Variants in SKAP1 observed in about 807,000 individuals in gnomAD.
SKAP1 encodes the protein src kinase associated phosphoprotein 1.
A neutral mutation model predicts 58.5 loss-of-function variants in SKAP1; 44 were observed. The ratio of observed to expected loss-of-function variants is 0.75; its 90% CI spans 0.59 to 0.97. SKAP1 has a LOEUF of 0.97. SKAP1 is among the 50% of genes least tolerant of loss of function. The pLI is 0.00. For missense variants in SKAP1, 390 were observed against 435.2 expected, an observed-to-expected ratio of 0.90 and a Z score of 0.92; for synonymous variants, 127 against 149.7, an observed-to-expected ratio of 0.85 and a Z score of 1.11.
chr17:48,286,625 G>C (rs1598512819), intron 4 of SKAP1, among the ~76,000 whole-genome samples: 1 of 152,192 alleles, frequency 6.6e-6, no homozygotes, highest in Non-Finnish European at 1.5e-5. Context: ...AGGAATTACT[G>C]AGTGGATCTA....
At chr17:48,316,673 T>A (rs1391061250) in intron 4 of SKAP1, among the ~76,000 whole-genome samples, 1 of 152,164 alleles carries the variant, frequency 6.6e-6, no homozygotes, top group African/African-American at 2.4e-5. Flanking sequence ...ACATAGTAGG[T>A]CCTCAATGAT....
intron 4 of SKAP1, among the ~76,000 whole-genome samples, chr17:48,267,009 T>C (rs1016700950): frequency 3.1e-4 from 47 of 152,120 alleles, no homozygotes; most frequent in Admixed American, 4.6e-4. Flanking sequence ...TCATAGAACA[T>C]AGCAGATGGC....
intron 4 of SKAP1, among the ~76,000 whole-genome samples, chr17:48,205,414 G>GA (rs1225113550): frequency 2.0e-5 from 3 of 151,910 alleles, no homozygotes; most frequent in African/African-American, 7.3e-5. Flanking sequence ...CCTGGCCAAG[G>GA]AAATCTTAAA....
At chr17:48,285,678 AC>A (rs1288707175) in intron 4 of SKAP1, among the ~76,000 whole-genome samples, 1 of 151,424 alleles carries the variant, frequency 6.6e-6, no homozygotes, top group East Asian at 1.9e-4. Context: ...TGATCCTCTG[AC>A]CCTAAACAAA....
chr17:48,358,357 CT>C (rs943379688), intron 3 of SKAP1, among the ~76,000 whole-genome samples: 28 of 152,150 alleles, frequency 1.8e-4, no homozygotes, highest in Admixed American at 1.6e-3. Flanking sequence ...TTTCCTTCCT[CT>C]TTTTTTTAAA....
intron 1 of SKAP1, among the ~76,000 whole-genome samples, chr17:48,416,803 C>T (rs2067736639): frequency 6.6e-6 from 1 of 152,200 alleles, no homozygotes; most frequent in African/African-American, 2.4e-5. Flanking sequence ...TCCCAATTCC[C>T]TGTCACAGGT....
intron 11 of SKAP1, among the ~76,000 whole-genome samples, chr17:48,150,972 A>G (rs1022705870): frequency 1.3e-5 from 2 of 152,146 alleles, no homozygotes; most frequent in Non-Finnish European, 2.9e-5. Context: ...CACAGCCAGA[A>G]GACTTAGGAG....
intron 5 of SKAP1, among the ~76,000 whole-genome samples, chr17:48,189,057 A>G (rs893343857): frequency 1.3e-5 from 2 of 152,204 alleles, no homozygotes; most frequent in Admixed American, 1.3e-4. Flanking sequence ...TTGAAAGTAG[A>G]CTGCTTCACA....
chr17:48,219,037 A>G (rs1243927832), intron 4 of SKAP1, among the ~76,000 whole-genome samples: 1 of 152,198 alleles, frequency 6.6e-6, no homozygotes, highest in African/African-American at 2.4e-5. Flanking sequence ...TCCTATTAGT[A>G]TTTATCTAAT....
At chr17:48,140,856 G>A (rs901513630) in intron 11 of SKAP1, among the ~76,000 whole-genome samples, 11 of 150,434 alleles carry the variant, frequency 7.3e-5, no homozygotes, top group Non-Finnish European at 1.2e-4. Context: ...TCATGATCTC[G>A]GCTGACCACG....
At chr17:48,176,643 C>T (rs974219428) in intron 9 of SKAP1, among the ~76,000 whole-genome samples, 1 of 152,148 alleles carries the variant, frequency 6.6e-6, no homozygotes, top group African/African-American at 2.4e-5. Context: ...ACCATATTTT[C>T]CAGGACTAAC....
At chr17:48,353,193 T>C (rs2066825754) in intron 3 of SKAP1, among the ~76,000 whole-genome samples, 2 of 152,188 alleles carry the variant, frequency 1.3e-5, no homozygotes, top group African/African-American at 4.8e-5. Context: ...ATTTCATGCT[T>C]GCAAAATTTA....
At chr17:48,389,019 C>T (rs958043433) in intron 2 of SKAP1, among the ~76,000 whole-genome samples, 8 of 152,192 alleles carry the variant, frequency 5.3e-5, no homozygotes, top group African/African-American at 1.7e-4. Flanking sequence ...AGAACCTCAA[C>T]AAGGCTCACA....
At chr17:48,380,144 A>G (rs2067197602) in intron 2 of SKAP1, 1 of 152,214 alleles carries the variant, frequency 6.6e-6, no homozygotes, top group Admixed American at 6.5e-5. Flanking sequence ...GGGTCCTCAG[A>G]GTTTCGATTA....
intron 4 of SKAP1, among the ~76,000 whole-genome samples, chr17:48,311,478 G>T (rs1028181515): frequency 6.6e-6 from 1 of 152,076 alleles, no homozygotes; most frequent in African/African-American, 2.4e-5. Context: ...TTTTGCGGGG[G>T]AGGAGGGAAG....
intron 4 of SKAP1, among the ~76,000 whole-genome samples, chr17:48,268,738 C>T (rs540691359): frequency 7.2e-5 from 11 of 152,058 alleles, no homozygotes; most frequent in South Asian, 2.1e-4. Flanking sequence ...ATGATCTACC[C>T]GCCTCAGCCT....
chr17:48,134,769 T>C (rs1206228733), intron 12 of SKAP1, among the ~76,000 whole-genome samples: 2 of 152,102 alleles, frequency 1.3e-5, no homozygotes, highest in Non-Finnish European at 2.9e-5. Context: ...AATGGCGCGA[T>C]CTCGGCTCAC....
intron 4 of SKAP1, among the ~76,000 whole-genome samples, chr17:48,192,211 A>C (rs57634797): frequency 6.6e-6 from 1 of 152,162 alleles, no homozygotes; most frequent in African/African-American, 2.4e-5. Context: ...GAGGCCTAAA[A>C]ATTAAATGAA....
chr17:48,326,912 G>A (rs2066445104), intron 4 of SKAP1, among the ~76,000 whole-genome samples: 1 of 127,706 alleles, frequency 7.8e-6, no homozygotes, highest in South Asian at 2.5e-4. Flanking sequence ...TTTTTTTTGA[G>A]ATGGAGTCTT....
Sources: allele counts gnomAD v4.1 joint callset (sites outside exome capture counted in the v4.1 genomes callset), GRCh38; gene constraint gnomAD v4.1.1; transcripts MANE v1.5; gene names NCBI Gene and HGNC (gene_info 2026-07-23, HGNC 2026-07-21).